The following AP3B1 variants were observed in gnomAD, a reference collection of about 807,000 sequenced individuals.
The protein encoded by AP3B1 is AP-3 complex subunit beta-1.
Under a neutral mutation model 132.5 loss-of-function variants are expected in AP3B1, and 61 were observed. The ratio of observed to expected loss-of-function variants is 0.46; its 90% CI spans 0.37 to 0.57. The LOEUF is 0.57. Among genes scored for constraint, AP3B1 ranks in the 20% least tolerant of loss-of-function variants. The pLI is 0.00. For synonymous variants in AP3B1, 388 were observed against 438.3 expected (o/e 0.89, Z 1.43); for missense variants, 1,120 against 1,289.4 (o/e 0.87, Z 2.01).
intron 22 of AP3B1, among the ~76,000 whole-genome samples, chr5:78,071,734 C>A (rs1175311081): frequency 6.6e-6 from 1 of 152,096 alleles, no homozygotes; most frequent in Non-Finnish European, 1.5e-5. Context: ...AAAAAAAGGT[C>A]CTGTTCTATC....
intron 7 of AP3B1, among the ~76,000 whole-genome samples, chr5:78,211,458 C>G (rs532645766): frequency 6.6e-6 from 1 of 152,152 alleles, no homozygotes; most frequent in Non-Finnish European, 1.5e-5. Flanking sequence ...ATCTCTTCTG[C>G]CCCTGAAGAA....
chr5:78,015,643 T>C, intron 25 of AP3B1, 95 bp from the exon 26 acceptor site: 2 of 1,246,638 alleles, frequency 1.6e-6, no homozygotes, highest in Non-Finnish European at 2.3e-6. Context: ...TAACTTTTTT[T>C]CAACAAAAGA....
chr5:78,260,837 C>T (rs546457347), intron 2 of AP3B1, among the ~76,000 whole-genome samples: 2 of 150,138 alleles, frequency 1.3e-5, no homozygotes, highest in African/African-American at 4.9e-5. Context: ...ATTCTAGGTA[C>T]CTGATAAAAG....
At chr5:78,118,612 A>C (rs937124501) in intron 17 of AP3B1, among the ~76,000 whole-genome samples, 1 of 152,236 alleles carries the variant, frequency 6.6e-6, no homozygotes, top group Non-Finnish European at 1.5e-5. Context: ...GCAAGGCGGC[A>C]GTGAGGCTGG....
intron 24 of AP3B1, among the ~76,000 whole-genome samples, chr5:78,032,445 A>G (rs1199989520): frequency 6.6e-6 from 1 of 152,172 alleles, no homozygotes; most frequent in Admixed American, 6.5e-5. Context: ...ATCACTAAGC[A>G]AAAAGTGCTA....
chr5:78,239,716 C>A (rs575136368), intron 3 of AP3B1, among the ~76,000 whole-genome samples: 1 of 144,690 alleles, frequency 6.9e-6, no homozygotes, highest in Admixed American at 7.1e-5. Flanking sequence ...GAGGTCGAGG[C>A]TGTAGTGAGC....
At chr5:78,200,083 G>C (rs1370666367) in intron 7 of AP3B1, among the ~76,000 whole-genome samples, 1 of 152,040 alleles carries the variant, frequency 6.6e-6, no homozygotes, top group East Asian at 1.9e-4. Flanking sequence ...GTAAGACGGG[G>C]AAGGGAACAT....
chr5:78,076,216 C>T (rs1393471717), intron 22 of AP3B1, among the ~76,000 whole-genome samples: 2 of 152,284 alleles, frequency 1.3e-5, no homozygotes, highest in South Asian at 2.1e-4. Context: ...TAATTACATA[C>T]TTTGAGGCAA....
intron 2 of AP3B1, among the ~76,000 whole-genome samples, chr5:78,242,288 T>C (rs936359964): frequency 1.3e-5 from 2 of 152,188 alleles, no homozygotes; most frequent in African/African-American, 4.8e-5. Context: ...GCTCAGATCA[T>C]GGCCCCAGCT....
chr5:78,193,742 TTTTATATATATA>T (rs1363033904), intron 7 of AP3B1, among the ~76,000 whole-genome samples: 2 of 90,810 alleles, frequency 2.2e-5, no homozygotes, highest in South Asian at 3.1e-4. Context: ...GTATATATTT[TTTTATATATATA>T]TATATATATA....
intron 22 of AP3B1, 198 bp downstream of exon 22, chr5:78,089,195 C>T (rs1750405871): frequency 1.9e-6 from 1 of 518,826 alleles, no homozygotes; most frequent in Non-Finnish European, 3.5e-6. Flanking sequence ...TAAGTGTGGA[C>T]AACAAGGGAA....
intron 7 of AP3B1, among the ~76,000 whole-genome samples, chr5:78,203,020 T>C (rs903586172): frequency 9.9e-5 from 15 of 152,204 alleles, no homozygotes; most frequent in Non-Finnish European, 1.9e-4. Flanking sequence ...GTTGACTTTT[T>C]TGTTTCTTTC....
At chr5:78,145,065 AG>A (rs1753328560) in intron 14 of AP3B1, among the ~76,000 whole-genome samples, 1 of 152,234 alleles carries the variant, frequency 6.6e-6, no homozygotes, top group Non-Finnish European at 1.5e-5. Flanking sequence ...GATACGCCAA[AG>A]GACAGAATAC....
At chr5:78,094,353 T>C (rs1162596386) in intron 21 of AP3B1, among the ~76,000 whole-genome samples, 1 of 152,170 alleles carries the variant, frequency 6.6e-6, no homozygotes, top group Admixed American at 6.5e-5. Context: ...TATAACTTAA[T>C]GATCTAAAGA....
chr5:78,233,861 T>A (rs921522392), intron 3 of AP3B1, among the ~76,000 whole-genome samples: 1 of 152,110 alleles, frequency 6.6e-6, no homozygotes, highest in Non-Finnish European at 1.5e-5. Flanking sequence ...AACTACTACA[T>A]GTTGTGGCCT....
intron 2 of AP3B1, among the ~76,000 whole-genome samples, chr5:78,253,982 T>C (rs987506168): frequency 6.7e-5 from 10 of 150,106 alleles, no homozygotes; most frequent in African/African-American, 2.4e-4. Flanking sequence ...AAGAATTCTA[T>C]CAGATAAATT....
At chr5:78,083,253 A>G (rs578096127) in intron 22 of AP3B1, among the ~76,000 whole-genome samples, 20 of 152,366 alleles carry the variant, frequency 1.3e-4, no homozygotes, top group African/African-American at 4.6e-4. Flanking sequence ...GGATGAGTCA[A>G]GGTTTCATGT....
chr5:78,228,338 C>T, intron 3 of AP3B1, 99 bp from the exon 4 acceptor site: 1 of 746,036 alleles, frequency 1.3e-6, no homozygotes, highest in East Asian at 2.7e-5. Context: ...AAGTAAATAA[C>T]TGAATCTGGT....
intron 22 of AP3B1, among the ~76,000 whole-genome samples, chr5:78,058,945 C>T (rs767791954): frequency 6.6e-6 from 1 of 152,180 alleles, no homozygotes; most frequent in Non-Finnish European, 1.5e-5. Context: ...TCCTTCTTCC[C>T]ACAGGTTCTA....
Sources: allele counts gnomAD v4.1 joint callset (sites outside exome capture counted in the v4.1 genomes callset), GRCh38; gene constraint gnomAD v4.1.1; transcripts MANE v1.5; gene names NCBI Gene and HGNC (gene_info 2026-07-23, HGNC 2026-07-21).